The following SMIM36 variants were observed in gnomAD, a reference collection of about 807,000 sequenced individuals.
SMIM36 encodes small integral membrane protein 36.
At chr17:55,489,531 A>G (rs1598453910) in intron 1 of SMIM36, among the ~76,000 whole-genome samples, 2 of 152,268 alleles carry the variant, frequency 1.3e-5, no homozygotes, top group African/African-American at 4.8e-5. Context: ...ATATAAAAAC[A>G]TAAAGTGTGT....
At chr17:55,469,253 C>A (rs1020871610) in intron 3 of SMIM36, among the ~76,000 whole-genome samples, 1 of 152,208 alleles carries the variant, frequency 6.6e-6, no homozygotes, top group African/African-American at 2.4e-5. Context: ...CCGCGACTAG[C>A]TCTTCCCCAC....
chr17:55,492,242 C>CTTTTTTTTTTTTTTTTTTTTTTTTTT (rs770501215), intron 1 of SMIM36, among the ~76,000 whole-genome samples: 12 of 111,284 alleles, frequency 1.1e-4, no homozygotes, highest in Non-Finnish European at 2.0e-4. Context: ...TTCTTTCTTT[C>CTTTTTTTTTTTTTTTTTTTTTTTTTT]TTTTTTTTTT....
At chr17:55,481,870 T>C (rs1433438817) in intron 1 of SMIM36, among the ~76,000 whole-genome samples, 1 of 151,854 alleles carries the variant, frequency 6.6e-6, no homozygotes, top group Admixed American at 6.6e-5. Context: ...ATTTTGTTTA[T>C]TTTTTTTGTA....
At chr17:55,468,835 T>C (rs113966104) in intron 3 of SMIM36, among the ~76,000 whole-genome samples, 4,009 of 152,222 alleles carry the variant, frequency 0.026, 185 homozygotes, top group African/African-American at 0.091. Flanking sequence ...TTTTCTTCTG[T>C]AATACCGCTT....
chr17:55,514,537 A>G (rs1276442255), upstream of SMIM36, among the ~76,000 whole-genome samples: 1 of 152,214 alleles, frequency 6.6e-6, no homozygotes, highest in Non-Finnish European at 1.5e-5. Flanking sequence ...GAATGAGCTT[A>G]TTCTCATTCC....
At chr17:55,523,382 T>G in the SMIM36 span, among the ~76,000 whole-genome samples, 1 of 151,942 alleles carries the variant, frequency 6.6e-6, no homozygotes, top group Admixed American at 6.6e-5. Flanking sequence ...ATACAAAAAT[T>G]AGTTGGGCAT....
At chr17:55,499,495 A>C (rs573745009) in intron 1 of SMIM36, among the ~76,000 whole-genome samples, 133 of 152,342 alleles carry the variant, frequency 8.7e-4, no homozygotes, top group African/African-American at 3.2e-3. Flanking sequence ...ACTATCTCAC[A>C]GGGGAGCATG....
At chr17:55,524,689 AGTT>A in the SMIM36 span, among the ~76,000 whole-genome samples, 1 of 152,092 alleles carries the variant, frequency 6.6e-6, no homozygotes, top group Non-Finnish European at 1.5e-5. Flanking sequence ...CTAAGGGTCC[AGTT>A]GTTTCAGGAA....
chr17:55,527,771 A>G, the SMIM36 span: 1 of 152,204 alleles, frequency 6.6e-6, no homozygotes, highest in African/African-American at 2.4e-5. Context: ...TTACAGTCAG[A>G]AAAAATAGGC....
the SMIM36 span, among the ~76,000 whole-genome samples, chr17:55,528,919 A>C: frequency 9.8e-4 from 150 of 152,324 alleles, no homozygotes; most frequent in Non-Finnish European, 1.7e-3. Context: ...AAGAAAATGC[A>C]ATTTGCATAT....
the SMIM36 span, among the ~76,000 whole-genome samples, chr17:55,516,722 C>T: frequency 1.3e-5 from 2 of 152,120 alleles, no homozygotes; most frequent in Non-Finnish European, 2.9e-5. Flanking sequence ...CCACGCCCGG[C>T]TAATTTTTTG....
At chr17:55,522,792 T>C in the SMIM36 span, among the ~76,000 whole-genome samples, 1 of 152,190 alleles carries the variant, frequency 6.6e-6, no homozygotes, top group African/African-American at 2.4e-5. Flanking sequence ...CTTAGTGTTG[T>C]CATGCATTTT....
chr17:55,452,711 A>G (rs1360026086), intron 4 of SMIM36, among the ~76,000 whole-genome samples: 1 of 152,210 alleles, frequency 6.6e-6, no homozygotes, highest in East Asian at 1.9e-4. Flanking sequence ...AGAGTGACCT[A>G]TAAATGTTTG....
chr17:55,511,672 G>C (rs1910184583), upstream of SMIM36, among the ~76,000 whole-genome samples: 1 of 152,122 alleles, frequency 6.6e-6, no homozygotes. Flanking sequence ...CAGGCAGTTT[G>C]GTGAGCAAAA....
At chr17:55,474,402 T>C (rs1232518478) in intron 3 of SMIM36, among the ~76,000 whole-genome samples, 1 of 152,092 alleles carries the variant, frequency 6.6e-6, no homozygotes, top group African/African-American at 2.4e-5. Context: ...GTGGAATGCA[T>C]CCTCAGAGCA....
At chr17:55,530,651 C>T in the SMIM36 span, among the ~76,000 whole-genome samples, 4 of 152,032 alleles carry the variant, frequency 2.6e-5, no homozygotes, top group Non-Finnish European at 5.9e-5. Context: ...GGCATGGTGG[C>T]GGGCGCCTGT....
At chr17:55,472,867 A>G (rs1909363691) in intron 3 of SMIM36, among the ~76,000 whole-genome samples, 1 of 58,496 alleles carries the variant, frequency 1.7e-5, no homozygotes, top group South Asian at 4.9e-4. Flanking sequence ...ACTCTGTCTT[A>G]AAAAAAAAAA....
At chr17:55,451,092 G>A (rs752965675) in intron 4 of SMIM36, among the ~76,000 whole-genome samples, 38 of 152,060 alleles carry the variant, frequency 2.5e-4, no homozygotes, top group Non-Finnish European at 4.0e-4. Flanking sequence ...TCACCATGTT[G>A]GTCAGGCTGG....
chr17:55,482,401 T>C (rs1184395088), intron 1 of SMIM36, among the ~76,000 whole-genome samples: 2 of 152,212 alleles, frequency 1.3e-5, no homozygotes, highest in Non-Finnish European at 2.9e-5. Flanking sequence ...CAAGAAGTTG[T>C]CTGGAACCTG....
Sources: gnomAD v4.1 joint callset for allele counts (sites outside exome capture counted in the v4.1 genomes callset) on GRCh38, gnomAD v4.1.1 for gene constraint, MANE v1.5 for transcripts, NCBI Gene and HGNC (gene_info 2026-07-23, HGNC 2026-07-21) for gene names.